Variants in GRK5 observed in about 807,000 individuals in gnomAD.
The protein encoded by GRK5 is G protein-coupled receptor kinase 5.
In GRK5, 40 loss-of-function variants were observed where a neutral mutation model predicts 78.4. That is an observed-to-expected ratio of 0.51 (90% CI 0.40 to 0.66). The LOEUF is 0.66. GRK5 is among the 30% of genes least tolerant of loss of function. GRK5 has a pLI of 0.00. For synonymous variants in GRK5, 289 were observed against 296.8 expected (o/e 0.97, Z 0.27); for missense variants, 598 against 759.9 (o/e 0.79, Z 2.50).
chr10:119,285,152 G>A (rs1002382288), intron 1 of GRK5, among the ~76,000 whole-genome samples: 2 of 152,186 alleles, frequency 1.3e-5, no homozygotes, highest in African/African-American at 2.4e-5. Context: ...ATGGGTTCAC[G>A]TTGGCTGGCA....
intron 1 of GRK5, among the ~76,000 whole-genome samples, chr10:119,280,400 G>A (rs180827617): frequency 1.9e-4 from 29 of 152,282 alleles, no homozygotes; most frequent in Admixed American, 5.2e-4. Flanking sequence ...CTGCAGGAAC[G>A]TGAATGTCGG....
chr10:119,274,019 T>C lies in GRK5; in HGVS notation c.53-52497T>C, dbSNP rs980429475. Reference sequence around the variant, plus strand: ...AAACTCTGGACTTCAGTGCTCGGATTATAGGCGTCAACTACCGCGCCTGGC... The same window carrying C: ...AAACTCTGGACTTCAGTGCTCGGATCATAGGCGTCAACTACCGCGCCTGGC... On this transcript the variant is annotated intron_variant, in intron 1 of 15. Transcript: ENST00000392870. Among the ~76,000 whole-genome samples the C allele has an allele frequency of 3.3e-5, 5 of 152,322 alleles. No homozygotes were observed. The East Asian group carries it at 9.7e-4, about 29-fold the overall frequency.
chr10:119,407,271 G>A lies in GRK5; in HGVS notation c.339+10499G>A, dbSNP rs115421362. Among the ~76,000 whole-genome samples the A allele has an allele frequency of 5.9e-3, 903 of 152,304 alleles. 13 individuals carry two copies. Among genetic ancestry groups the A allele is most frequent in the African/African-American group, 0.021 (877 of 41,552 alleles). ...TCCTAGATAAAGAAACTGAGGCCCC[G>A]AGAGGCCCAGCTTGGAAGAGGAGAC... On this transcript the variant is annotated intron_variant, in intron 4 of 15. Transcript: ENST00000392870.
At chr10:119,381,958 C>T (rs937239752) in intron 3 of GRK5, among the ~76,000 whole-genome samples, 3 of 152,230 alleles carry the variant, frequency 2.0e-5, no homozygotes, top group Non-Finnish European at 4.4e-5. Flanking sequence ...ACTGAAGTCA[C>T]AAAGGCCCCC....
intron 1 of GRK5, among the ~76,000 whole-genome samples, chr10:119,275,835 C>T (rs1243939762): frequency 6.6e-6 from 1 of 152,088 alleles, no homozygotes; most frequent in Non-Finnish European, 1.5e-5. Flanking sequence ...GAGTGTTATG[C>T]GCTTAGTGTT....
At chr10:119,375,462 G>T (rs1455138143) in intron 2 of GRK5, among the ~76,000 whole-genome samples, 1 of 152,162 alleles carries the variant, frequency 6.6e-6, no homozygotes, top group Admixed American at 6.5e-5. Context: ...AGGATGTCTT[G>T]CCCCCTCTGC....
intron 1 of GRK5, among the ~76,000 whole-genome samples, chr10:119,322,826 G>C (rs1251399145): frequency 6.6e-6 from 1 of 152,220 alleles, no homozygotes; most frequent in African/African-American, 2.4e-5. Context: ...AGAATGGAAA[G>C]CAGGGACTTG....
intron 1 of GRK5, among the ~76,000 whole-genome samples, chr10:119,230,561 A>G (rs150095886): frequency 0.02 from 3,056 of 152,162 alleles, 72 homozygotes; most frequent in South Asian, 0.06. Flanking sequence ...CAAGAACAGC[A>G]AATACCTGTC....
intron 2 of GRK5, among the ~76,000 whole-genome samples, chr10:119,369,027 A>G (rs1851500510): frequency 6.6e-6 from 1 of 152,152 alleles, no homozygotes; most frequent in Non-Finnish European, 1.5e-5. Context: ...CATTCATTTT[A>G]GATAAACACC....
intron 1 of GRK5, among the ~76,000 whole-genome samples, chr10:119,287,390 A>AGGGAG (rs1412342047): frequency 7.2e-6 from 1 of 139,476 alleles, no homozygotes; most frequent in African/African-American, 2.6e-5. Flanking sequence ...GAAGGAAGGG[A>AGGGAG]AGAAGGAAGG....
chr10:119,233,574 G>C (rs1046254734), intron 1 of GRK5, among the ~76,000 whole-genome samples: 1 of 152,158 alleles, frequency 6.6e-6, no homozygotes, highest in Non-Finnish European at 1.5e-5. Context: ...CAGCCATTCT[G>C]GGGGCCAGAT....
At position 119,264,297 on chromosome 10, in the gene GRK5, CAAAT is replaced by C. The variant is rs974466111; in HGVS notation, c.52+56332_52+56335del. Among the ~76,000 whole-genome samples the C allele has an allele frequency of 2.6e-4, 40 of 152,252 alleles. No individual in the cohort carries two copies. The highest frequency in any genetic ancestry group is 9.4e-4 in the African/African-American group (39 of 41,542). Reference sequence around the variant, plus strand: ...TCAACTCCAACTAGCTTAAGCAAAACAAATAAACAAAAACCTCCAGGGCATTTGT... The same window carrying C: ...TCAACTCCAACTAGCTTAAGCAAAACAAACAAAAACCTCCAGGGCATTTGT... On this transcript the variant is annotated intron_variant, in intron 1 of 15. Coordinates refer to ENST00000392870, the MANE Select transcript of GRK5 (RefSeq NM_005308.3). The surrounding 1 kb of genome is among the most constrained non-coding windows in gnomAD (Gnocchi z 4.1).
chr10:119,416,635 G>C (rs1320996462), intron 4 of GRK5, among the ~76,000 whole-genome samples: 1 of 151,814 alleles, frequency 6.6e-6, no homozygotes, highest in Non-Finnish European at 1.5e-5. Flanking sequence ...CTGTTGCCCA[G>C]GTTGGAGTGC....
rs200231122 is a variant in GRK5 at position 119,423,276 on chromosome 10, G to A, written c.440+10G>A. On this transcript the variant is annotated intron_variant, in intron 5 of 15. Coordinates refer to ENST00000392870, the MANE Select transcript of GRK5 (RefSeq NM_005308.3). Reference sequence around the variant, plus strand: ...TTTCTGCCTGTGCACAGTAAGTGCCGTAGTCACCTGGCCTGTCCTCCCCGG... The same window carrying A: ...TTTCTGCCTGTGCACAGTAAGTGCCATAGTCACCTGGCCTGTCCTCCCCGG... The A allele has an allele frequency of 1.0e-3, 1,640 of 1,591,576 alleles. 1 individual carries two copies. Among genetic ancestry groups the A allele is most frequent in the Non-Finnish European group, 1.2e-3 (1,389 of 1,159,438 alleles).
chr10:119,236,065 A>G (rs954282635), intron 1 of GRK5, among the ~76,000 whole-genome samples: 2 of 152,122 alleles, frequency 1.3e-5, no homozygotes, highest in Non-Finnish European at 2.9e-5. Flanking sequence ...TGCAGATATT[A>G]ACGGTGCCAA....
chr10:119,309,107 C>T (rs558599351), intron 1 of GRK5, among the ~76,000 whole-genome samples: 3 of 152,312 alleles, frequency 2.0e-5, no homozygotes, highest in Admixed American at 1.3e-4. Context: ...AGGGCTGGTG[C>T]GTGAGGGACC....
At chr10:119,376,210 C>T (rs555790787) in intron 2 of GRK5, among the ~76,000 whole-genome samples, 7 of 152,288 alleles carry the variant, frequency 4.6e-5, no homozygotes, top group Admixed American at 3.9e-4. Context: ...TTATGATGGG[C>T]TTTCTAGACC....
intron 1 of GRK5, among the ~76,000 whole-genome samples, chr10:119,304,019 A>G (rs1269254921): frequency 1.3e-5 from 2 of 151,924 alleles, no homozygotes; most frequent in Non-Finnish European, 2.9e-5. Flanking sequence ...GGGAGGGCTG[A>G]CTCACCTGCC....
rs150283592 is a variant in GRK5 at position 119,409,800 on chromosome 10, G to A, written c.339+13028G>A. On this transcript the variant is annotated intron_variant, in intron 4 of 15. Transcript: ENST00000392870. The stretch of plus-strand genomic sequence containing the variant: ...ACATGATTTCGGATTGAGGAGGGTG[G>A]TGGGTGTTCTGGAAGAAGGAAAGTT... Among the ~76,000 whole-genome samples, 147 of 152,364 alleles carry A rather than the reference G, an allele frequency of 9.6e-4. 2 individuals carry two copies. In the East Asian group the frequency reaches 0.025, roughly 26 times the overall value.
Sources: gnomAD v4.1 joint callset for allele counts (sites outside exome capture counted in the v4.1 genomes callset) on GRCh38, gnomAD v4.1.1 for gene constraint, Gnocchi (gnomAD v3.1) non-coding constraint, MANE v1.5 for transcripts, NCBI Gene and HGNC (gene_info 2026-07-23, HGNC 2026-07-21) for gene names.